The following SERPINB7 variants were observed in gnomAD, a reference collection of about 807,000 sequenced individuals.
SERPINB7 encodes serpin family B member 7.
A neutral mutation model predicts 37.4 loss-of-function variants in SERPINB7; 31 were observed. The ratio of observed to expected loss-of-function variants is 0.83; its 90% confidence interval spans 0.62 to 1.12. SERPINB7 has a LOEUF of 1.12. SERPINB7 is among the 50% of genes most tolerant of loss of function. The probability of loss-of-function intolerance (pLI) is 0.00; values close to 1 mark genes in which losing one functional copy is unlikely to be tolerated. For synonymous variants in SERPINB7, 163 were observed against 166.1 expected (o/e 0.98, Z 0.14); for missense variants, 521 against 455.3 (o/e 1.14, Z -1.31).
At chr18:63,794,125 T>G (rs2049459898) in intron 4 of SERPINB7, among the ~76,000 whole-genome samples, 1 of 147,450 alleles carries the variant, frequency 6.8e-6, no homozygotes, top group African/African-American at 2.5e-5. Flanking sequence ...TTTTTTTTTT[T>G]TTTTTTTTGT....
At chr18:63,785,731 T>G (rs1220875199) in intron 2 of SERPINB7, among the ~76,000 whole-genome samples, 1 of 147,976 alleles carries the variant, frequency 6.8e-6, no homozygotes, top group Admixed American at 6.7e-5. Flanking sequence ...TTGTGTTTTG[T>G]TTTTTTTGTG....
chr18:63,786,400 C>A (rs899419731), intron 2 of SERPINB7, among the ~76,000 whole-genome samples: 4 of 151,140 alleles, frequency 2.6e-5, no homozygotes, highest in Admixed American at 2.6e-4. Flanking sequence ...TATACACACA[C>A]GCATATATAT....
chr18:63,790,590 T>C (rs977633960), intron 2 of SERPINB7, among the ~76,000 whole-genome samples: 1 of 152,154 alleles, frequency 6.6e-6, no homozygotes, highest in African/African-American at 2.4e-5. Context: ...TTATAAACAA[T>C]AAGAAAGAAA....
intron 2 of SERPINB7, among the ~76,000 whole-genome samples, chr18:63,783,167 G>T (rs1599004883): frequency 8.4e-6 from 1 of 118,850 alleles, no homozygotes; most frequent in African/African-American, 3.2e-5. Flanking sequence ...AAAACAAAAA[G>T]AAAATAAAGA....
chr18:63,759,800 T>C (rs967687871), intron 1 of SERPINB7, among the ~76,000 whole-genome samples: 3 of 152,210 alleles, frequency 2.0e-5, no homozygotes, highest in African/African-American at 4.8e-5. Flanking sequence ...TTTCCGCTCT[T>C]GCTTCTTCCT....
At chr18:63,797,244 T>C (rs2049498136) in intron 5 of SERPINB7, among the ~76,000 whole-genome samples, 1 of 152,244 alleles carries the variant, frequency 6.6e-6, no homozygotes, top group Admixed American at 6.5e-5. Flanking sequence ...AGAAATATGA[T>C]ATAATATATC....
At chr18:63,782,305 T>A (rs961095230) in intron 1 of SERPINB7, 50 bp from the exon 2 acceptor site, 3 of 1,116,582 alleles carry the variant, frequency 2.7e-6, no homozygotes, top group African/African-American at 3.2e-5. Flanking sequence ...AAATATAATA[T>A]TCCTAGAAAA....
At position 63,798,635 on chromosome 18, in the gene SERPINB7, C is replaced by A; in HGVS notation, c.486C>A (p.Gly162=). ...TCAAGAACGTGATTGGTGAAGGTGG[C>A]ATAAGCTCATCTGCTGTAATGGTGC... The part of the protein sequence containing the change: ...GKIKNVIGEG[G]ISSSAVMVLV... The change falls in exon 6 of 8, where the codon GGC becomes GGA. Residue 162 remains glycine, a synonymous_variant. Coordinates refer to ENST00000398019, the MANE Select transcript of SERPINB7 (RefSeq NM_003784.4). 1 of 1,597,202 alleles carries A rather than the reference C, an allele frequency of 6.3e-7. No individual in the cohort carries two copies. Among genetic ancestry groups the A allele is most frequent in the African/African-American group, 1.3e-5 (1 of 74,232 alleles).
intron 1 of SERPINB7, among the ~76,000 whole-genome samples, chr18:63,759,986 T>TG (rs1260667898): frequency 6.6e-6 from 1 of 151,658 alleles, no homozygotes; most frequent in South Asian, 2.1e-4. Flanking sequence ...GTACCAGGAG[T>TG]GGGGTGTTGC....
chr18:63,758,553 G>A (rs1300192021), intron 1 of SERPINB7, among the ~76,000 whole-genome samples: 1 of 152,150 alleles, frequency 6.6e-6, no homozygotes, highest in African/African-American at 2.4e-5. Flanking sequence ...CAAATCCTCT[G>A]TATCTGGCCC....
intron 1 of SERPINB7, among the ~76,000 whole-genome samples, chr18:63,764,258 A>G (rs1328815858): frequency 2.0e-5 from 3 of 152,252 alleles, no homozygotes; most frequent in Non-Finnish European, 4.4e-5. Flanking sequence ...TTGCTAAACT[A>G]AGAAGGTGTT....
chr18:63,792,796 T>C (rs897870253), intron 3 of SERPINB7, among the ~76,000 whole-genome samples: 3 of 152,240 alleles, frequency 2.0e-5, no homozygotes, highest in Admixed American at 6.5e-5. Context: ...ATTACTTTAG[T>C]AATATTTTAT....
At chr18:63,801,729 G>T (rs555891534) in intron 7 of SERPINB7, among the ~76,000 whole-genome samples, 1 of 152,074 alleles carries the variant, frequency 6.6e-6, no homozygotes, top group Non-Finnish European at 1.5e-5. Context: ...CCAGAGGACC[G>T]GTTTAGTCAT....
chr18:63,790,725 G>T lies in SERPINB7; in HGVS notation c.169-1668G>T, dbSNP rs114844925. ...ACACTGTAAAACATGGGGTAGGGAGGGAAGGGGAGAAAGAAAGAGTTTTAA... is the reference window on the plus strand; with the variant it reads ...ACACTGTAAAACATGGGGTAGGGAGTGAAGGGGAGAAAGAAAGAGTTTTAA... On this transcript the variant is annotated intron_variant, in intron 2 of 7. Transcript: ENST00000398019. Among the ~76,000 whole-genome samples the T allele has an allele frequency of 2.9e-3, 443 of 152,244 alleles. 1 individual carries two copies. Among genetic ancestry groups the T allele is most frequent in the African/African-American group, 9.5e-3 (396 of 41,540 alleles).
intron 1 of SERPINB7, among the ~76,000 whole-genome samples, chr18:63,768,675 A>G (rs540513897): frequency 1.3e-5 from 2 of 152,218 alleles, no homozygotes; most frequent in South Asian, 4.1e-4. Flanking sequence ...AATTGCATCA[A>G]TTTAAAATGT....
chr18:63,793,564 C>T (rs926184593), intron 4 of SERPINB7, among the ~76,000 whole-genome samples: 2 of 152,086 alleles, frequency 1.3e-5, no homozygotes, highest in Non-Finnish European at 2.9e-5. Context: ...GCAGTCAGCC[C>T]ATTTAGGGGT....
Position 63,793,256 on chromosome 18 carries a change from A to G in SERPINB7, c.315A>G (p.Glu105=), listed in dbSNP as rs1415871678. The G allele has an allele frequency of 1.3e-6, 2 of 1,593,700 alleles. No individual in the cohort carries two copies. The highest frequency in any genetic ancestry group is 2.2e-5 in the East Asian group (1 of 44,466). Residue 105 remains glutamate, a synonymous_variant, in exon 4 of 8, where the codon GAA becomes GAG. Coordinates refer to ENST00000398019, the MANE Select transcript of SERPINB7 (RefSeq NM_003784.4). The part of the protein sequence containing the change: ...DLSIVNGLFA[E]KVYGFHKDYI... Reference sequence around the variant, plus strand: ...GCATTGTGAATGGGCTTTTTGCTGAAAAAGTGTATGGCTTTCATAAGGTAA... The same window carrying G: ...GCATTGTGAATGGGCTTTTTGCTGAGAAAGTGTATGGCTTTCATAAGGTAA...
In SERPINB7 at chr18:63,792,388, T is replaced by C. The variant is rs1391364959; in HGVS notation, c.169-5T>C. The C allele has an allele frequency of 3.1e-6, 5 of 1,594,678 alleles. No individual in the cohort carries two copies. Among genetic ancestry groups the C allele is most frequent in the South Asian group, 2.2e-5 (2 of 90,652 alleles). On this transcript the variant is annotated splice_region_variant and splice_polypyrimidine_tract_variant and intron_variant, in intron 2 of 7. Transcript: ENST00000398019. ...ATGATTGCTTTCCTTGTGCCCTGTTTACAGTTGCTTCATGTTAACACTGCC... is the reference window on the plus strand; with the variant it reads ...ATGATTGCTTTCCTTGTGCCCTGTTCACAGTTGCTTCATGTTAACACTGCC...
intron 1 of SERPINB7, among the ~76,000 whole-genome samples, chr18:63,759,859 A>G (rs2144584137): frequency 6.6e-6 from 1 of 152,232 alleles, no homozygotes; most frequent in South Asian, 2.1e-4. Context: ...ACCTCCCCCC[A>G]TGATTCTGAG....
Sources: gnomAD v4.1 joint callset for allele counts (sites outside exome capture counted in the v4.1 genomes callset) on GRCh38, gnomAD v4.1.1 for gene constraint, MANE v1.5 for transcripts, NCBI Gene and HGNC (gene_info 2026-07-23, HGNC 2026-07-21) for gene names.